The following AGPAT3 variants were observed in gnomAD, a reference collection of about 807,000 sequenced individuals.
The protein encoded by AGPAT3 is 1-acylglycerol-3-phosphate O-acyltransferase 3, also known as 1-acyl-sn-glycerol-3-phosphate acyltransferase gamma.
In AGPAT3, 5 loss-of-function variants were observed where a neutral mutation model predicts 47.3. The ratio of observed to expected loss-of-function variants is 0.11; its 90% CI spans 0.06 to 0.22. The LOEUF (loss-of-function observed/expected upper bound fraction) is 0.22, where lower values mean the gene tolerates loss of function less well. AGPAT3 is among the 10% of genes least tolerant of loss of function. AGPAT3 has a pLI of 1.00. For missense variants in AGPAT3, 315 were observed against 493.0 expected (o/e 0.64, Z 3.42); for synonymous variants, 212 against 208.3 (o/e 1.02, Z -0.15).
chr21:43,962,711 CTT>C (rs1569096111), intron 3 of AGPAT3, among the ~76,000 whole-genome samples: 1 of 152,220 alleles, frequency 6.6e-6, no homozygotes, highest in Non-Finnish European at 1.5e-5. Flanking sequence ...AACCAGGACT[CTT>C]GAGCGAGGGC....
chr21:43,918,478 C>CAAGAG (rs879294781), intron 2 of AGPAT3, among the ~76,000 whole-genome samples: 3 of 151,564 alleles, frequency 2.0e-5, no homozygotes, highest in African/African-American at 7.3e-5. Context: ...GAAATGGAGA[C>CAAGAG]AAGAGAAGAG....
chr21:43,960,727 C>T (rs1017556035), intron 3 of AGPAT3: 43 of 985,286 alleles, frequency 4.4e-5, no homozygotes, highest in Non-Finnish European at 4.8e-5. Context: ...GGAGAGCCTT[C>T]ATCTTGCCCG....
chr21:43,900,767 A>G (rs547857501), intron 1 of AGPAT3, among the ~76,000 whole-genome samples: 6 of 152,202 alleles, frequency 3.9e-5, no homozygotes, highest in African/African-American at 1.4e-4. Flanking sequence ...GGAGAGACTC[A>G]CCACCCAAGG....
intron 1 of AGPAT3, among the ~76,000 whole-genome samples, chr21:43,902,988 G>A (rs60986841): frequency 0.11 from 16,171 of 152,124 alleles, 1,657 homozygotes; most frequent in African/African-American, 0.27. Flanking sequence ...GTAACAGAGC[G>A]AGATCCTGTC....
At chr21:43,938,085 TTC>T (rs10587738) in intron 2 of AGPAT3, among the ~76,000 whole-genome samples, 112,163 of 148,378 alleles carry the variant, frequency 0.76, 42,269 homozygotes, top group Admixed American at 0.82. Flanking sequence ...CTCCCCCACT[TTC>T]TCTCTCTCTC....
In AGPAT3 at chr21:43,939,706, C is replaced by T. The variant is rs743468; in HGVS notation, c.-48-19928C>T. Among the ~76,000 whole-genome samples, 61,064 of 152,070 alleles carry T rather than the reference C, an allele frequency of 0.4. 12,905 individuals are homozygous for T. The highest frequency in any genetic ancestry group is 0.59 in the East Asian group (3,039 of 5,162). On this transcript the variant is annotated intron_variant, in intron 2 of 9. Transcript: ENST00000291572. The surrounding 1 kb of genome is among the most constrained non-coding windows in gnomAD (Gnocchi z 4.4). ...GCCTTTCAGGGATCTTGCTAGCCCA[C>T]GGCTGAGCACAGGGTAGACCTCACC... is the stretch of plus-strand genomic sequence containing the variant.
At chr21:43,878,190 C>T (rs2085776673) in intron 1 of AGPAT3, among the ~76,000 whole-genome samples, 1 of 152,170 alleles carries the variant, frequency 6.6e-6, no homozygotes, top group African/African-American at 2.4e-5. Context: ...TTCAAGCTGC[C>T]CCACTGGCCA....
chr21:43,959,473 TTTGTA>T lies in AGPAT3; in HGVS notation c.-48-159_-48-155del, dbSNP rs1034295996. Among the ~76,000 whole-genome samples the T allele has an allele frequency of 1.9e-4, 27 of 140,114 alleles. No individual in the cohort carries two copies. The Admixed American group carries it at 2.0e-3, about 11-fold the overall frequency. The allele number at this position is 140,114 out of a possible 152,430, so 91.9% of individuals were successfully genotyped here. ...TGTGGTGTGTGTGGCATGTGTGTGG[TTTGTA>T]TGTGTGTGGCACGTGTGTGGGGTTT... is the stretch of plus-strand genomic sequence containing the variant. On this transcript the variant is annotated intron_variant, in intron 2 of 9. Coordinates refer to ENST00000291572, the MANE Select transcript of AGPAT3 (RefSeq NM_020132.5).
At chr21:43,897,361 A>T (rs984661733) in intron 1 of AGPAT3, among the ~76,000 whole-genome samples, 2 of 152,086 alleles carry the variant, frequency 1.3e-5, no homozygotes, top group Non-Finnish European at 2.9e-5. Context: ...ACTTCTTTCT[A>T]CACAGACACA....
chr21:43,909,666 C>T (rs549683091), intron 2 of AGPAT3, among the ~76,000 whole-genome samples: 12 of 152,238 alleles, frequency 7.9e-5, no homozygotes, highest in African/African-American at 2.2e-4. Context: ...GGTATCCCGA[C>T]GGTGCTGTTC....
rs757876207 is a variant in AGPAT3, at chr21:43,969,086, G to A, written c.349-32G>A. 1.9e-6 allele frequency: 3 copies of A among 1,611,680 alleles called. No individual in the cohort carries two copies. In the South Asian group the frequency reaches 3.3e-5, roughly 18 times the overall value. ...CCCCTGGCCTCTGTCCGACGCTGAA[G>A]TGCCAGGTGCCCCTCCTTCTCCTCC... On this transcript the variant is annotated intron_variant, in intron 4 of 9. Transcript: ENST00000291572.
chr21:43,926,552 G>A (rs969917430), intron 2 of AGPAT3, among the ~76,000 whole-genome samples: 11 of 151,690 alleles, frequency 7.3e-5, no homozygotes, highest in African/African-American at 2.4e-4. Context: ...CCCCCACGGC[G>A]CGTTCCTGGG....
Position 43,907,713 on chromosome 21 carries a change from T to C in AGPAT3, c.-49+3694T>C, listed in dbSNP as rs186175838. Among the ~76,000 whole-genome samples, 743 of 152,216 alleles carry C rather than the reference T, an allele frequency of 4.9e-3. 4 individuals carry two copies. The highest frequency in any genetic ancestry group is 0.016 in the African/African-American group (678 of 41,540). On this transcript the variant is annotated intron_variant, in intron 2 of 9. Transcript: ENST00000291572. ...GCCTGGGCGACAGAGCGAGACTCCGTCTCAACAACAACAACAACAAAAAAA... is the reference window on the plus strand; with the variant it reads ...GCCTGGGCGACAGAGCGAGACTCCGCCTCAACAACAACAACAACAAAAAAA...
At chr21:43,971,598 C>T (rs770170601) in intron 7 of AGPAT3, 108 bp downstream of exon 7, 145 of 1,003,376 alleles carry the variant, frequency 1.4e-4, no homozygotes, top group Non-Finnish European at 6.1e-5. Flanking sequence ...CCCACAGCCC[C>T]GCAGGGTGGA....
In AGPAT3 at chr21:43,987,565, A is replaced by G. The variant is rs992392995; in HGVS notation, c.*5173A>G. On this transcript the variant is annotated 3_prime_UTR_variant, in exon 10 of 10. Transcript: ENST00000291572. ...CCCTTTCTCTTCTTTATTAAAAAGC[A>G]AAACAAAAACTCTTGTTAGAACCAA... Among the ~76,000 whole-genome samples the G allele has an allele frequency of 6.6e-6, 1 of 152,236 alleles. No homozygotes were observed. The highest frequency in any genetic ancestry group is 6.5e-5 in the Admixed American group (1 of 15,288).
rs1206294974 is a variant in AGPAT3 at position 43,922,369 on chromosome 21, G to C, written c.-49+18350G>C. Among the ~76,000 whole-genome samples the C allele has an allele frequency of 6.6e-6, 1 of 152,212 alleles. No individual in the cohort carries two copies. The highest frequency in any genetic ancestry group is 2.4e-5 in the African/African-American group (1 of 41,442). On this transcript the variant is annotated intron_variant, in intron 2 of 9. Coordinates refer to ENST00000291572, the MANE Select transcript of AGPAT3 (RefSeq NM_020132.5). The surrounding 1 kb of genome is among the most constrained non-coding windows in gnomAD (Gnocchi z 4.9). ...GAAGGAGTGCAGCCCCCAGGACGCT[G>C]GGCCGAGCCAGGCAGGGACCTGCTT...
In AGPAT3 at chr21:43,909,330, C is replaced by T. The variant is rs184184922; in HGVS notation, c.-49+5311C>T. 3.4e-3 allele frequency among the ~76,000 whole-genome samples: 477 copies of T among 140,776 alleles called. 2 individuals carry two copies. Among genetic ancestry groups the T allele is most frequent in the Non-Finnish European group, 5.9e-3 (391 of 66,452 alleles). The allele number at this position is 140,776 out of a possible 152,430, so 92.4% of individuals were successfully genotyped here. A position where few individuals can be genotyped will look rare whatever the true frequency, so the allele number is the denominator to read the frequency against. The stretch of plus-strand genomic sequence containing the variant: ...TTTTTTTTTGAGACGGGGTCTCACT[C>T]TGTCGCCCAGGCCGGAGTGTGGTGG... On this transcript the variant is annotated intron_variant, in intron 2 of 9. Transcript: ENST00000291572.
In AGPAT3 at chr21:43,865,285, G is replaced by A. The variant is rs1164154039; in HGVS notation, c.-172G>A. 3 of 147,058 alleles carry A rather than the reference G, an allele frequency of 2.0e-5. No homozygotes were observed. The highest frequency in any genetic ancestry group is 7.4e-5 in the African/African-American group (3 of 40,808). 9.1% of individuals were successfully genotyped at this position (147,058 alleles called of 1,614,324 possible). ...AGGGCCGAGGAGCGCGGCGGCCAGA[G>A]CGGGGCCGCGGAGGCGACGCCGGGG... On this transcript the variant is annotated 5_prime_UTR_variant, in exon 1 of 10. Coordinates refer to ENST00000291572, the MANE Select transcript of AGPAT3 (RefSeq NM_020132.5).
intron 1 of AGPAT3, among the ~76,000 whole-genome samples, chr21:43,898,719 G>A (rs1359699802): frequency 1.3e-5 from 2 of 152,132 alleles, no homozygotes; most frequent in Admixed American, 6.5e-5. Context: ...TAGAGACGGG[G>A]TTTCTCCATG....
Sources: gnomAD v4.1 joint callset for allele counts (sites outside exome capture counted in the v4.1 genomes callset) on GRCh38, gnomAD v4.1.1 for gene constraint, Gnocchi (gnomAD v3.1) non-coding constraint, MANE v1.5 for transcripts, NCBI Gene and HGNC (gene_info 2026-07-23, HGNC 2026-07-21) for gene names.